PDE1A: variants seen among roughly 807,000 people sequenced by gnomAD.
PDE1A encodes the protein dual specificity calcium/calmodulin-dependent 3',5'-cyclic nucleotide phosphodiesterase 1A.
A neutral mutation model predicts 61.7 loss-of-function variants in PDE1A; 35 were observed. The ratio of observed to expected loss-of-function variants is 0.57; its 90% confidence interval spans 0.43 to 0.75. PDE1A has a LOEUF of 0.75. Among genes scored for constraint, PDE1A ranks in the 30% least tolerant of loss-of-function variants. The pLI, the probability that PDE1A is intolerant of heterozygous loss-of-function variation, is 0.00. For synonymous variants in PDE1A, 232 were observed against 213.2 expected, an observed-to-expected ratio of 1.09 and a Z score of -0.77; for missense variants, 597 against 630.6, an observed-to-expected ratio of 0.95 and a Z score of 0.57.
At chr2:182,293,066 G>A (rs2125891699) in intron 1 of PDE1A, among the ~76,000 whole-genome samples, 1 of 152,154 alleles carries the variant, frequency 6.6e-6, no homozygotes, top group Non-Finnish European at 1.5e-5. Context: ...GTATAGATGA[G>A]TGTAAGCAGG....
At position 182,225,133 on chromosome 2, in the gene PDE1A, G is replaced by C. The variant is rs150960862; in HGVS notation, c.676-1169C>G. Among the ~76,000 whole-genome samples the C allele has an allele frequency of 4.4e-4, 67 of 151,980 alleles. No homozygotes were observed. The East Asian group carries it at 0.012, about 27-fold the overall frequency. ...AGATCTTGGGAAAAGGCTGGAAAAA[G>C]GCTGATAGTTAAGTGCAAGGATGGA... On this transcript the variant is annotated intron_variant, in intron 6 of 13. Coordinates refer to ENST00000351439, the Ensembl canonical transcript of PDE1A.
the PDE1A span, among the ~76,000 whole-genome samples, chr2:182,635,982 G>A: frequency 2.1e-5 from 2 of 96,472 alleles, no homozygotes; most frequent in South Asian, 3.6e-4. Flanking sequence ...TTGAGACAGA[G>A]TCTTGCTCTT....
At chr2:182,296,845 C>T (rs114759360) in intron 1 of PDE1A, among the ~76,000 whole-genome samples, 3,865 of 152,238 alleles carry the variant, frequency 0.025, 155 homozygotes, top group African/African-American at 0.088. Context: ...CCATTGAAGG[C>T]CTGAATAGAA....
the PDE1A span, among the ~76,000 whole-genome samples, chr2:182,575,711 C>CTATA: frequency 6.3e-5 from 9 of 143,042 alleles, no homozygotes; most frequent in African/African-American, 2.3e-4. Context: ...CATTATGTAT[C>CTATA]TATATATATA....
the PDE1A span, among the ~76,000 whole-genome samples, chr2:182,624,871 A>AT: frequency 6.6e-6 from 1 of 152,054 alleles, no homozygotes; most frequent in Non-Finnish European, 1.5e-5. Context: ...AACCTAGCTA[A>AT]CCCCAAACCT....
intron 2 of PDE1A, among the ~76,000 whole-genome samples, chr2:182,261,573 A>T (rs926611009): frequency 3.3e-5 from 5 of 152,200 alleles, no homozygotes; most frequent in African/African-American, 4.8e-5. Context: ...GGAAAAAAAT[A>T]AATGAATTTC....
rs138044219 is a variant in PDE1A at position 182,360,768 on chromosome 2, C to T, written c.53+65810G>A. ...GAAGGGGCCCATGAAGGCAAAAATG[C>T]CCATGGCCCAACAAGTCATAATTCA... On this transcript the variant is annotated intron_variant, in intron 1 of 13. Transcript: ENST00000351439. Among the ~76,000 whole-genome samples the T allele has an allele frequency of 4.6e-5, 7 of 151,802 alleles. No homozygotes were observed. In the East Asian group the frequency reaches 1.4e-3, roughly 29 times the overall value.
At chr2:182,316,902 C>T (rs78968684) in intron 1 of PDE1A, among the ~76,000 whole-genome samples, 2,414 of 152,268 alleles carry the variant, frequency 0.016, 35 homozygotes, top group South Asian at 0.068. Context: ...AGGATTGACA[C>T]ACTCATTAAA....
At chr2:182,606,880 T>C in the PDE1A span, among the ~76,000 whole-genome samples, 1 of 152,038 alleles carries the variant, frequency 6.6e-6, no homozygotes, top group Non-Finnish European at 1.5e-5. Flanking sequence ...ATGCCAGGGG[T>C]TCAGTCCAGG....
intron 13 of PDE1A, among the ~76,000 whole-genome samples, chr2:182,169,938 ACTCT>A (rs1187109914): frequency 4.3e-5 from 4 of 92,686 alleles, no homozygotes; most frequent in Non-Finnish European, 6.8e-5. Context: ...ACACACACAC[ACTCT>A]CCCTCTCTCT....
chr2:182,304,265 C>A (rs925902757), intron 1 of PDE1A, among the ~76,000 whole-genome samples: 1 of 152,144 alleles, frequency 6.6e-6, no homozygotes, highest in Non-Finnish European at 1.5e-5. Flanking sequence ...CTCTCTCTAT[C>A]TTCATATAAT....
intron 13 of PDE1A, among the ~76,000 whole-genome samples, chr2:182,176,207 T>A (rs1266168317): frequency 2.7e-5 from 4 of 148,256 alleles, no homozygotes; most frequent in Non-Finnish European, 5.9e-5. Flanking sequence ...AGTAGTTTTT[T>A]CCAATTCTGT....
At chr2:182,472,072 G>T (rs1687061108) in intron 2 of PDE1A, among the ~76,000 whole-genome samples, 1 of 151,648 alleles carries the variant, frequency 6.6e-6, no homozygotes. Flanking sequence ...TGTTGGAGAG[G>T]ATGTGGAAAG....
intron 13 of PDE1A, among the ~76,000 whole-genome samples, chr2:182,171,963 C>A (rs1692262165): frequency 6.6e-6 from 1 of 151,910 alleles, no homozygotes; most frequent in South Asian, 2.1e-4. Context: ...CTCCCATGAA[C>A]TCTTGCATGC....
At chr2:182,188,864 C>T (rs1396508216) in intron 11 of PDE1A, 115 bp downstream of exon 11, 3 of 664,134 alleles carry the variant, frequency 4.5e-6, no homozygotes, top group Non-Finnish European at 8.1e-6. Context: ...TCAAATATAT[C>T]ATGAATATGG....
chr2:182,656,433 T>A, the PDE1A span, among the ~76,000 whole-genome samples: 1 of 152,206 alleles, frequency 6.6e-6, no homozygotes, highest in Non-Finnish European at 1.5e-5. Flanking sequence ...TTTGAAACTA[T>A]AAAAATGGAA....
At chr2:182,263,730 G>A (rs570775134) in intron 2 of PDE1A, among the ~76,000 whole-genome samples, 2 of 152,210 alleles carry the variant, frequency 1.3e-5, no homozygotes, top group East Asian at 3.9e-4. Flanking sequence ...CCTCTTTGAG[G>A]GTCACAGCAC....
At chr2:182,662,103 G>A in the PDE1A span, among the ~76,000 whole-genome samples, 6 of 151,686 alleles carry the variant, frequency 4.0e-5, no homozygotes, top group African/African-American at 1.5e-4. Context: ...CTAACATGAA[G>A]ACTTATAATA....
chr2:182,570,462 T>A, the PDE1A span, among the ~76,000 whole-genome samples: 1 of 152,182 alleles, frequency 6.6e-6, no homozygotes, highest in African/African-American at 2.4e-5. Context: ...TTCTTATCAC[T>A]AAATTTTAAA....
Sources: gnomAD v4.1 joint callset for allele counts (sites outside exome capture counted in the v4.1 genomes callset) on GRCh38, gnomAD v4.1.1 for gene constraint, MANE v1.5 for transcripts, NCBI Gene and HGNC (gene_info 2026-07-23, HGNC 2026-07-21) for gene names.